The following CALN1 variants were observed in gnomAD, a reference collection of about 807,000 sequenced individuals.
CALN1 encodes the protein calcium-binding protein 8.
A neutral mutation model predicts 30.6 loss-of-function variants in CALN1; 17 were observed. The observed-to-expected ratio is 0.56, with a 90% CI of 0.38 to 0.83. CALN1 has a LOEUF of 0.83. Ranked by LOEUF, CALN1 falls within the 40% of genes least tolerant of loss-of-function variation. The pLI is 0.00. For missense variants in CALN1, 291 were observed against 354.9 expected (o/e 0.82, Z 1.45); for synonymous variants, 156 against 131.4 (o/e 1.19, Z -1.28).
intron 3 of CALN1, among the ~76,000 whole-genome samples, chr7:72,211,527 A>C (rs141343401): frequency 1.3e-5 from 2 of 152,066 alleles, no homozygotes; most frequent in Admixed American, 1.3e-4. Flanking sequence ...AGTTCAGGGT[A>C]CCCATCTGCA....
At chr7:71,988,664 C>T (rs149836970) in intron 5 of CALN1, among the ~76,000 whole-genome samples, 6 of 152,150 alleles carry the variant, frequency 3.9e-5, no homozygotes, top group East Asian at 1.9e-4. Flanking sequence ...ACGTATGAGA[C>T]GCTAAAAGCA....
At chr7:72,188,812 G>A (rs900155773) in intron 3 of CALN1, among the ~76,000 whole-genome samples, 1 of 152,168 alleles carries the variant, frequency 6.6e-6, no homozygotes, top group Middle Eastern at 3.2e-3. Flanking sequence ...GTCTGAAAGC[G>A]TGTGTGTCCG....
chr7:71,802,658 A>G (rs1047251782), intron 6 of CALN1, among the ~76,000 whole-genome samples: 2 of 152,172 alleles, frequency 1.3e-5, no homozygotes, highest in African/African-American at 4.8e-5. Flanking sequence ...TGTAAGGAAG[A>G]GGTCTTGCTA....
intron 2 of CALN1, among the ~76,000 whole-genome samples, chr7:72,322,435 A>AC (rs1303199891): frequency 6.6e-6 from 1 of 152,140 alleles, no homozygotes; most frequent in Non-Finnish European, 1.5e-5. Context: ...ACCAGTCAGT[A>AC]CCCATCCATG....
At chr7:72,236,079 C>CAAAAA (rs11299009) in intron 3 of CALN1, among the ~76,000 whole-genome samples, 1 of 118,592 alleles carries the variant, frequency 8.4e-6, no homozygotes, top group Non-Finnish European at 1.8e-5. Flanking sequence ...CCATTCTCCA[C>CAAAAA]AAAAAAAAAA....
chr7:71,850,942 G>C (rs1055681650), intron 5 of CALN1, among the ~76,000 whole-genome samples: 1 of 152,176 alleles, frequency 6.6e-6, no homozygotes, highest in African/African-American at 2.4e-5. Flanking sequence ...GCCTGGTGCA[G>C]TGGCTCATGC....
intron 2 of CALN1, among the ~76,000 whole-genome samples, chr7:72,295,379 G>A (rs1029018760): frequency 6.6e-6 from 1 of 152,082 alleles, no homozygotes; most frequent in Non-Finnish European, 1.5e-5. Context: ...CTTTAAAGTA[G>A]TTTTTTCCAA....
At chr7:71,993,295 A>G (rs143869400) in intron 5 of CALN1, among the ~76,000 whole-genome samples, 28 of 152,228 alleles carry the variant, frequency 1.8e-4, no homozygotes, top group Non-Finnish European at 3.5e-4. Flanking sequence ...TCTTTTAGAT[A>G]TAAGTAAGTG....
intron 4 of CALN1, among the ~76,000 whole-genome samples, chr7:72,096,042 A>AAGATAGATAGATAGAT (rs10664390): frequency 6.1e-4 from 87 of 143,190 alleles, no homozygotes; most frequent in Middle Eastern, 3.5e-3. Context: ...TTGTCTCTAA[A>AAGATAGATAGATAGAT]AGATAGATAG....
At chr7:72,072,720 C>T (rs1199309754) in intron 4 of CALN1, among the ~76,000 whole-genome samples, 1 of 151,906 alleles carries the variant, frequency 6.6e-6, no homozygotes, top group Non-Finnish European at 1.5e-5. Flanking sequence ...TATAGTTTTG[C>T]CCATATAATG....
intron 3 of CALN1, among the ~76,000 whole-genome samples, chr7:72,239,414 T>TAAAC (rs1328544658): frequency 6.6e-6 from 1 of 151,904 alleles, no homozygotes; most frequent in Non-Finnish European, 1.5e-5. Context: ...AATAAATAAA[T>TAAAC]AAATAAATAA....
chr7:72,469,595 C>T, the CALN1 span, among the ~76,000 whole-genome samples: 1 of 152,092 alleles, frequency 6.6e-6, no homozygotes, highest in Admixed American at 6.6e-5. Flanking sequence ...GACAGGGTTT[C>T]ACCATGTTGG....
chr7:72,271,553 T>C (rs1350100441), intron 3 of CALN1, among the ~76,000 whole-genome samples: 2 of 70,970 alleles, frequency 2.8e-5, no homozygotes, highest in Non-Finnish European at 4.6e-5. Flanking sequence ...TGAACCACTG[T>C]GCCTGCCTTT....
intron 4 of CALN1, among the ~76,000 whole-genome samples, chr7:72,084,618 C>G (rs1164951909): frequency 2.0e-5 from 3 of 152,040 alleles, no homozygotes; most frequent in Admixed American, 2.0e-4. Context: ...GCCTCGGCCT[C>G]CCAATGTGCT....
chr7:72,060,258 T>C (rs1478987124), intron 4 of CALN1, among the ~76,000 whole-genome samples: 1 of 152,176 alleles, frequency 6.6e-6, no homozygotes, highest in Admixed American at 6.5e-5. Flanking sequence ...TTCTGATCAG[T>C]GGAACCATTG....
chr7:72,429,821 G>T (rs964202124), intron 1 of CALN1, among the ~76,000 whole-genome samples: 1 of 150,494 alleles, frequency 6.6e-6, no homozygotes, highest in African/African-American at 2.4e-5. Context: ...GTATGTGTGT[G>T]TCTATATATA....
chr7:72,225,053 G>A (rs991100310), intron 3 of CALN1, among the ~76,000 whole-genome samples: 2 of 151,400 alleles, frequency 1.3e-5, no homozygotes, highest in African/African-American at 4.9e-5. Context: ...AGTGAGCAGA[G>A]ATCACGCCAC....
chr7:71,934,766 A>G (rs1376365525), intron 5 of CALN1, among the ~76,000 whole-genome samples: 3 of 152,172 alleles, frequency 2.0e-5, no homozygotes, highest in Non-Finnish European at 4.4e-5. Context: ...ATTTATAAAG[A>G]AAAAGAGGTT....
At chr7:72,239,680 G>A (rs1190473148) in intron 3 of CALN1, among the ~76,000 whole-genome samples, 15 of 125,308 alleles carry the variant, frequency 1.2e-4, no homozygotes, top group Admixed American at 3.5e-4. Context: ...ACAGAATAAC[G>A]TGGGATGCTA....
Sources: allele counts gnomAD v4.1 joint callset (sites outside exome capture counted in the v4.1 genomes callset), GRCh38; gene constraint gnomAD v4.1.1; transcripts MANE v1.5; gene names NCBI Gene and HGNC (gene_info 2026-07-23, HGNC 2026-07-21).